The following PGCKA1 variants were observed in gnomAD, a reference collection of about 807,000 sequenced individuals.
PGCKA1 encodes the protein PDCD10 and GCKIII kinases-associated protein 1.
the PGCKA1 span, among the ~76,000 whole-genome samples, chr4:37,552,409 A>G: frequency 0.23 from 34,993 of 151,970 alleles, 4,482 homozygotes; most frequent in East Asian, 0.53. Flanking sequence ...GCTGAATAAA[A>G]CCCTTCCTTC....
At chr4:37,559,736 A>C in the PGCKA1 span, among the ~76,000 whole-genome samples, 2 of 151,938 alleles carry the variant, frequency 1.3e-5, no homozygotes, top group Admixed American at 6.6e-5. Context: ...GTGAATACAG[A>C]CCTTCCTTCT....
At chr4:37,534,428 A>G in the PGCKA1 span, among the ~76,000 whole-genome samples, 1 of 152,180 alleles carries the variant, frequency 6.6e-6, no homozygotes, top group African/African-American at 2.4e-5. Context: ...ATCTAATAGT[A>G]TGAGGCCATG....
the PGCKA1 span, among the ~76,000 whole-genome samples, chr4:37,536,149 G>T: frequency 1.3e-5 from 2 of 152,174 alleles, no homozygotes; most frequent in East Asian, 1.9e-4. Flanking sequence ...ATAGCCAGGG[G>T]ATAGGCTCTG....
At chr4:37,506,770 T>C in the PGCKA1 span, among the ~76,000 whole-genome samples, 1 of 152,112 alleles carries the variant, frequency 6.6e-6, no homozygotes, top group African/African-American at 2.4e-5. Flanking sequence ...TTCAGTGACA[T>C]GTTCTGTAAA....
chr4:37,537,837 T>C, the PGCKA1 span, among the ~76,000 whole-genome samples: 1 of 152,360 alleles, frequency 6.6e-6, no homozygotes, highest in Non-Finnish European at 1.5e-5. Flanking sequence ...TTATGCAAGT[T>C]ATTTAGGCTT....
At chr4:37,474,647 A>G in the PGCKA1 span, among the ~76,000 whole-genome samples, 4 of 152,328 alleles carry the variant, frequency 2.6e-5, no homozygotes, top group African/African-American at 9.6e-5. Context: ...TTCATTGAGC[A>G]CCTACTATGT....
chr4:37,590,610 C>T, the PGCKA1 span: 1 of 1,613,962 alleles, frequency 6.2e-7, no homozygotes, highest in African/African-American at 1.3e-5. Flanking sequence ...AGATACCAGC[C>T]CCAGATTACC....
At chr4:37,505,340 C>A in the PGCKA1 span, among the ~76,000 whole-genome samples, 5 of 152,230 alleles carry the variant, frequency 3.3e-5, no homozygotes, top group East Asian at 5.8e-4. Flanking sequence ...AGGATTTTTG[C>A]ACCAATATTT....
the PGCKA1 span, among the ~76,000 whole-genome samples, chr4:37,457,603 A>G: frequency 6.6e-6 from 1 of 152,228 alleles, no homozygotes; most frequent in Admixed American, 6.5e-5. Flanking sequence ...TGAGTATCAT[A>G]TATCTTGGTT....
the PGCKA1 span, among the ~76,000 whole-genome samples, chr4:37,555,901 C>G: frequency 2.8e-4 from 43 of 152,096 alleles, no homozygotes; most frequent in African/African-American, 8.5e-4. Context: ...CTTAACACTC[C>G]ATGGAAATCC....
At chr4:37,517,270 AAT>A in the PGCKA1 span, among the ~76,000 whole-genome samples, 2 of 144,446 alleles carry the variant, frequency 1.4e-5, no homozygotes, top group Admixed American at 6.8e-5. Context: ...TATATATATA[AAT>A]ATATATATAA....
chr4:37,511,364 C>G, the PGCKA1 span, among the ~76,000 whole-genome samples: 9 of 152,150 alleles, frequency 5.9e-5, no homozygotes, highest in African/African-American at 2.2e-4. Flanking sequence ...AGCATACCAC[C>G]TGGGTACCAC....
At chr4:37,583,446 T>G in the PGCKA1 span, among the ~76,000 whole-genome samples, 9 of 139,126 alleles carry the variant, frequency 6.5e-5, no homozygotes, top group African/African-American at 9.3e-5. Flanking sequence ...TTTTTGTTTT[T>G]TTTTTTTTGA....
chr4:37,589,254 C>T, the PGCKA1 span, among the ~76,000 whole-genome samples: 2 of 152,252 alleles, frequency 1.3e-5, no homozygotes, highest in African/African-American at 2.4e-5. Context: ...TTGTGAGTAA[C>T]GTGAACATAA....
chr4:37,476,655 T>C, the PGCKA1 span, among the ~76,000 whole-genome samples: 1 of 152,196 alleles, frequency 6.6e-6, no homozygotes, highest in Non-Finnish European at 1.5e-5. Context: ...GGAATAATCA[T>C]TGTGCTAAAA....
At chr4:37,522,483 C>G in the PGCKA1 span, among the ~76,000 whole-genome samples, 3 of 152,256 alleles carry the variant, frequency 2.0e-5, no homozygotes, top group South Asian at 6.2e-4. Context: ...AAAGTGGACT[C>G]TGGTATGGCC....
At chr4:37,592,648 CA>C in the PGCKA1 span, among the ~76,000 whole-genome samples, 1 of 152,296 alleles carries the variant, frequency 6.6e-6, no homozygotes, top group East Asian at 1.9e-4. Context: ...TGTTTTGTAA[CA>C]CAGAATTGAA....
At chr4:37,459,510 A>G in the PGCKA1 span, among the ~76,000 whole-genome samples, 5 of 152,328 alleles carry the variant, frequency 3.3e-5, no homozygotes, top group African/African-American at 1.2e-4. Flanking sequence ...ATTTAAACCC[A>G]TGTCCATGTA....
At chr4:37,477,827 A>C in the PGCKA1 span, among the ~76,000 whole-genome samples, 1 of 152,194 alleles carries the variant, frequency 6.6e-6, no homozygotes, top group Non-Finnish European at 1.5e-5. Context: ...TTCTAATTCT[A>C]AAATATGTAC....
Sources: gnomAD v4.1 joint callset for allele counts (sites outside exome capture counted in the v4.1 genomes callset) on GRCh38, gnomAD v4.1.1 for gene constraint, MANE v1.5 for transcripts, NCBI Gene and HGNC (gene_info 2026-07-23, HGNC 2026-07-21) for gene names.